The following ANKFN1 variants were observed in gnomAD, a reference collection of about 807,000 sequenced individuals.
The protein encoded by ANKFN1 is ankyrin repeat and fibronectin type III domain containing 1.
Under a neutral mutation model 108.7 loss-of-function variants are expected in ANKFN1, and 74 were observed. The ratio of observed to expected loss-of-function variants is 0.68; its 90% CI spans 0.56 to 0.83. ANKFN1 has a LOEUF of 0.83. Ranked by LOEUF, ANKFN1 falls within the 40% of genes least tolerant of loss-of-function variation. The pLI, the probability that ANKFN1 is intolerant of heterozygous loss-of-function variation, is 0.00. For missense variants in ANKFN1, 1,505 were observed against 1,382.3 expected (o/e 1.09, Z -1.41); for synonymous variants, 547 against 516.2 (o/e 1.06, Z -0.81).
At chr17:56,426,556 T>G (rs1205205125) in intron 8 of ANKFN1, among the ~76,000 whole-genome samples, 2 of 152,140 alleles carry the variant, frequency 1.3e-5, no homozygotes, top group Non-Finnish European at 2.9e-5. Context: ...TGTTGAAAAT[T>G]TAGAGATATT....
Position 56,188,690 on chromosome 17 carries a change from C to T in ANKFN1, c.-70-23908C>T, listed in dbSNP as rs568858124. ...GAAACACGTATGCTTTTCTGAGTGA[C>T]AGGGGTATTAGAATCATCTTTTGTG... On this transcript the variant is annotated intron_variant, in intron 1 of 20. Coordinates refer to ENST00000682825, the MANE Select transcript of ANKFN1 (RefSeq NM_001370326.1). Among the ~76,000 whole-genome samples the T allele has an allele frequency of 3.4e-5, 5 of 147,832 alleles. No homozygotes were observed. The East Asian group carries it at 8.1e-4, about 24-fold the overall frequency.
intron 3 of ANKFN1, among the ~76,000 whole-genome samples, chr17:56,256,404 T>A (rs2043357975): frequency 6.6e-6 from 1 of 152,194 alleles, no homozygotes. Flanking sequence ...TCTGTCCTCA[T>A]AAAAGGAGGC....
chr17:56,200,717 G>T (rs1365402683), intron 1 of ANKFN1, among the ~76,000 whole-genome samples: 2 of 152,032 alleles, frequency 1.3e-5, no homozygotes, highest in Admixed American at 1.3e-4. Context: ...ATAATAATCA[G>T]GTACAGATTA....
chr17:56,472,031 T>C (rs1007573472), intron 15 of ANKFN1: 1 of 152,158 alleles, frequency 6.6e-6, no homozygotes, highest in African/African-American at 2.4e-5. Flanking sequence ...CAGGGTGAAT[T>C]TTATGGTATA....
chr17:56,371,086 G>A (rs954406376), intron 6 of ANKFN1, among the ~76,000 whole-genome samples: 1 of 151,938 alleles, frequency 6.6e-6, no homozygotes, highest in Non-Finnish European at 1.5e-5. Context: ...CAGTGAAAGA[G>A]TTTTTTAGCT....
chr17:56,480,577 A>G (rs2145365457), intron 16 of ANKFN1, 91 bp from the exon 17 acceptor site: 1 of 1,340,930 alleles, frequency 7.5e-7, no homozygotes, highest in South Asian at 1.4e-5. Context: ...AGCATTGGTT[A>G]TCCAGGTTCT....
intron 8 of ANKFN1, among the ~76,000 whole-genome samples, chr17:56,379,598 T>C (rs1487246089): frequency 2.0e-5 from 3 of 152,218 alleles, no homozygotes; most frequent in African/African-American, 7.2e-5. Flanking sequence ...TGGATGTTTT[T>C]CAACTCAGTG....
chr17:56,367,241 T>A (rs1351501288), intron 6 of ANKFN1, among the ~76,000 whole-genome samples: 1 of 152,186 alleles, frequency 6.6e-6, no homozygotes, highest in Non-Finnish European at 1.5e-5. Flanking sequence ...CATGTTACAC[T>A]CATTGTATTT....
intron 4 of ANKFN1, among the ~76,000 whole-genome samples, chr17:56,064,411 G>C (rs1905028099): frequency 6.6e-6 from 1 of 152,230 alleles, no homozygotes; most frequent in Non-Finnish European, 1.5e-5. Flanking sequence ...TCTGGGTTCT[G>C]TCCCTGAGCC....
chr17:56,337,946 A>T (rs1360888329), intron 4 of ANKFN1, among the ~76,000 whole-genome samples: 1 of 152,186 alleles, frequency 6.6e-6, no homozygotes, highest in African/African-American at 2.4e-5. Flanking sequence ...CAGCGATTCC[A>T]TTACTGGGTA....
chr17:56,085,180 C>CATATATAT lies in ANKFN1; in HGVS notation c.288+38876_288+38883dup, dbSNP rs10572105. Reference sequence around the variant, plus strand: ...TCTGGTTAAATGTTGCCCTCCAAAGCATATATATATATATATATATATATA... The same window carrying CATATATAT: ...TCTGGTTAAATGTTGCCCTCCAAAGCATATATATATATATATATATATATATATATATA... On this transcript the variant is annotated intron_variant, in intron 4 of 12. Transcript: ENST00000635860. 1.0e-3 allele frequency among the ~76,000 whole-genome samples: 140 copies of CATATATAT among 137,752 alleles called. 2 individuals carry two copies. Among genetic ancestry groups the CATATATAT allele is most frequent in the African/African-American group, 3.1e-3 (112 of 35,684 alleles). The allele number at this position is 137,752 out of a possible 152,430, so 90.4% of individuals were successfully genotyped here.
intron 1 of ANKFN1, among the ~76,000 whole-genome samples, chr17:56,209,011 T>A (rs1474990897): frequency 6.6e-6 from 1 of 152,178 alleles, no homozygotes; most frequent in Non-Finnish European, 1.5e-5. Flanking sequence ...CCGAGTTAGC[T>A]GGGACTACAG....
intron 3 of ANKFN1, among the ~76,000 whole-genome samples, chr17:56,261,895 C>T (rs4280309): frequency 0.041 from 6,210 of 152,228 alleles, 158 homozygotes; most frequent in African/African-American, 0.068. Context: ...CAAGTTGACA[C>T]TCAATATTAA....
chr17:56,461,738 T>C (rs2145259819), intron 14 of ANKFN1, among the ~76,000 whole-genome samples: 2 of 152,314 alleles, frequency 1.3e-5, no homozygotes, highest in South Asian at 4.1e-4. Context: ...GGAATGTGTC[T>C]GTCTTGGCTA....
Position 56,466,526 on chromosome 17 carries a change from A to G in ANKFN1, c.1728A>G (p.Thr576=), listed in dbSNP as rs747674111. Residue 576 remains threonine (T), a synonymous_variant, in exon 15 of 21, where the codon ACA becomes ACG. Coordinates refer to ENST00000682825, the MANE Select transcript of ANKFN1 (RefSeq NM_001370326.1). The part of the protein sequence containing the change: ...KLQSQRKSLS[T]PEEPTALDIL... ...AAAGCCAGAGAAAGTCTCTATCAAC[A>G]CCTGAGGAGCCAACAGCTTTAGACA... is the stretch of plus-strand genomic sequence containing the variant. The G allele has an allele frequency of 6.2e-7, 1 of 1,613,798 alleles. No homozygotes were observed. The highest frequency in any genetic ancestry group is 8.5e-7 in the Non-Finnish European group (1 of 1,179,862).
intron 8 of ANKFN1, among the ~76,000 whole-genome samples, chr17:56,388,349 C>G (rs980215438): frequency 1.2e-4 from 19 of 152,196 alleles, no homozygotes; most frequent in East Asian, 5.8e-4. Flanking sequence ...CCAGGCTGGT[C>G]TCGAACTTCT....
At chr17:56,299,238 A>C (rs1354630741) in intron 3 of ANKFN1, among the ~76,000 whole-genome samples, 5 of 152,090 alleles carry the variant, frequency 3.3e-5, no homozygotes, top group African/African-American at 1.2e-4. Flanking sequence ...ACAGAAGTGC[A>C]TTTGCCTGGG....
At chr17:56,386,487 TAAAAAAGAA>T (rs1360392818) in intron 8 of ANKFN1, among the ~76,000 whole-genome samples, 1 of 145,600 alleles carries the variant, frequency 6.9e-6, no homozygotes, top group African/African-American at 2.5e-5. Flanking sequence ...TAAAATAAAA[TAAAAAAGAA>T]AAAAAAGAAA....
intron 1 of ANKFN1, among the ~76,000 whole-genome samples, chr17:56,200,896 C>T (rs970671622): frequency 6.6e-5 from 10 of 152,142 alleles, no homozygotes; most frequent in South Asian, 2.1e-4. Context: ...TTAGTCATAG[C>T]GATGATCAAG....
Sources: allele counts gnomAD v4.1 joint callset (sites outside exome capture counted in the v4.1 genomes callset), GRCh38; gene constraint gnomAD v4.1.1; transcripts MANE v1.5; gene names NCBI Gene and HGNC (gene_info 2026-07-23, HGNC 2026-07-21).